Variants in MLIP observed in about 807,000 individuals in gnomAD.
MLIP encodes muscular LMNA-interacting protein.
Under a neutral mutation model 84.8 loss-of-function variants are expected in MLIP, and 79 were observed. The observed-to-expected ratio is 0.93, with a 90% confidence interval of 0.78 to 1.12. The LOEUF is 1.12. Ranked by LOEUF, MLIP falls within the 50% of genes most tolerant of loss-of-function variation. The pLI is 0.00. For missense variants in MLIP, 1,257 were observed against 1,160.6 expected, an observed-to-expected ratio of 1.08 and a Z score of -1.21; for synonymous variants, 504 against 463.0, an observed-to-expected ratio of 1.09 and a Z score of -1.14.
At chr6:54,079,196 T>C (rs530561540) in intron 1 of MLIP, among the ~76,000 whole-genome samples, 3 of 152,326 alleles carry the variant, frequency 2.0e-5, no homozygotes, top group African/African-American at 7.2e-5. Context: ...ATATTTTCTA[T>C]CAGGTATGAC....
At chr6:54,261,789 AT>A in intron 13 of MLIP, 1 of 957,684 alleles carries the variant, frequency 1.0e-6, no homozygotes, top group Non-Finnish European at 1.2e-6. Context: ...TAAAAATAAA[AT>A]TATCAAGAGA....
At chr6:54,250,243 CACTT>C (rs1782375967) in intron 12 of MLIP, among the ~76,000 whole-genome samples, 1 of 151,984 alleles carries the variant, frequency 6.6e-6, no homozygotes, top group Admixed American at 6.6e-5. Flanking sequence ...GAAAAAGAAA[CACTT>C]ATACACTGTT....
At chr6:54,249,521 T>C in intron 12 of MLIP, among the ~76,000 whole-genome samples, 1 of 151,902 alleles carries the variant, frequency 6.6e-6, no homozygotes, top group Non-Finnish European at 1.5e-5. Flanking sequence ...TTTTTCCACA[T>C]AGCATGTATT....
intron 11 of MLIP, among the ~76,000 whole-genome samples, chr6:54,219,392 A>G (rs1297685687): frequency 9.6e-6 from 1 of 103,846 alleles, no homozygotes. Context: ...TTTTTTTCTC[A>G]GACACAAGTA....
chr6:54,039,321 C>T (rs1049052322), intron 1 of MLIP, among the ~76,000 whole-genome samples: 2 of 151,830 alleles, frequency 1.3e-5, no homozygotes, highest in Non-Finnish European at 2.9e-5. Flanking sequence ...TGGGAGTTGC[C>T]ATTTAAAAAC....
chr6:54,199,711 CA>C (rs1471404559), intron 10 of MLIP, among the ~76,000 whole-genome samples: 6 of 152,084 alleles, frequency 3.9e-5, no homozygotes, highest in African/African-American at 1.4e-4. Context: ...TGAACAATGT[CA>C]AAGGCAAACT....
At chr6:54,223,428 A>G (rs559026128) in intron 11 of MLIP, among the ~76,000 whole-genome samples, 1 of 152,126 alleles carries the variant, frequency 6.6e-6, no homozygotes, top group South Asian at 2.1e-4. Flanking sequence ...TGATTTTTGT[A>G]TATTGTGTGA....
intron 1 of MLIP, among the ~76,000 whole-genome samples, chr6:54,051,441 A>G (rs1305553073): frequency 6.6e-6 from 1 of 152,124 alleles, no homozygotes; most frequent in Non-Finnish European, 1.5e-5. Context: ...AAATTTACTG[A>G]TTATTACTTT....
intron 1 of MLIP, among the ~76,000 whole-genome samples, chr6:54,085,084 C>T (rs1767399679): frequency 6.6e-6 from 1 of 152,160 alleles, no homozygotes; most frequent in African/African-American, 2.4e-5. Context: ...ACAGGCTTTT[C>T]ATCTTTAGCA....
intron 10 of MLIP, among the ~76,000 whole-genome samples, chr6:54,191,378 T>C (rs989442920): frequency 6.6e-6 from 1 of 152,302 alleles, no homozygotes; most frequent in East Asian, 1.9e-4. Flanking sequence ...ATCAATCCAC[T>C]TGGGTATACT....
chr6:54,206,130 A>G (rs1268405170), intron 11 of MLIP, among the ~76,000 whole-genome samples: 2 of 152,212 alleles, frequency 1.3e-5, no homozygotes, highest in Non-Finnish European at 2.9e-5. Context: ...TATTCTGACT[A>G]TTTATGAATT....
At chr6:54,095,456 C>G (rs888470728) in intron 1 of MLIP, among the ~76,000 whole-genome samples, 2 of 151,612 alleles carry the variant, frequency 1.3e-5, no homozygotes, top group African/African-American at 4.8e-5. Flanking sequence ...GCTTTTTTTC[C>G]CCACTGTTGC....
intron 1 of MLIP, among the ~76,000 whole-genome samples, chr6:54,091,775 T>A (rs1179631665): frequency 6.6e-6 from 1 of 152,190 alleles, no homozygotes; most frequent in Admixed American, 6.5e-5. Flanking sequence ...CAGTTATAGA[T>A]CTCTTTTAAT....
chr6:54,029,222 A>G (rs1763987897), intron 1 of MLIP: 1 of 152,066 alleles, frequency 6.6e-6, no homozygotes. Context: ...TACGGTCTGG[A>G]TGTGTCCTCC....
At chr6:54,154,829 G>T (rs1225413858) in intron 5 of MLIP, among the ~76,000 whole-genome samples, 2 of 152,092 alleles carry the variant, frequency 1.3e-5, no homozygotes, top group Non-Finnish European at 2.9e-5. Flanking sequence ...GAGAGTGATG[G>T]ATTACAAACC....
chr6:54,227,731 A>C (rs1210541276), intron 11 of MLIP, among the ~76,000 whole-genome samples: 3 of 152,240 alleles, frequency 2.0e-5, no homozygotes, highest in African/African-American at 7.2e-5. Context: ...CTGGAATTTC[A>C]TATTCAAACA....
At chr6:54,146,960 C>T (rs891216939) in intron 4 of MLIP, among the ~76,000 whole-genome samples, 1 of 152,114 alleles carries the variant, frequency 6.6e-6, no homozygotes, top group Non-Finnish European at 1.5e-5. Context: ...ATTTCTGTAC[C>T]TCAGTTTCCA....
chr6:54,070,303 T>C (rs1027853044), intron 1 of MLIP, among the ~76,000 whole-genome samples: 1 of 152,138 alleles, frequency 6.6e-6, no homozygotes, highest in Non-Finnish European at 1.5e-5. Context: ...GATATGATGT[T>C]AGATTTTTTT....
intron 11 of MLIP, among the ~76,000 whole-genome samples, chr6:54,202,467 G>GTT (rs200419162): frequency 2.8e-5 from 4 of 140,814 alleles, no homozygotes; most frequent in East Asian, 2.0e-4. Flanking sequence ...ATTTTAATGT[G>GTT]TTTTTTTTTT....
Sources: allele counts gnomAD v4.1 joint callset (sites outside exome capture counted in the v4.1 genomes callset), GRCh38; gene constraint gnomAD v4.1.1; transcripts MANE v1.5; gene names NCBI Gene and HGNC (gene_info 2026-07-23, HGNC 2026-07-21).